CNTNAP5: variants seen among roughly 807,000 people sequenced by gnomAD.
CNTNAP5 encodes the protein contactin-associated protein-like 5.
Under a neutral mutation model 150.2 loss-of-function variants are expected in CNTNAP5, and 72 were observed. The observed-to-expected ratio is 0.48, with a 90% confidence interval of 0.40 to 0.58. The LOEUF is 0.58. Among genes scored for constraint, CNTNAP5 ranks in the 20% least tolerant of loss-of-function variants. The pLI, the probability that CNTNAP5 is intolerant of heterozygous loss-of-function variation, is 0.00. For synonymous variants in CNTNAP5, 672 were observed against 619.8 expected, an observed-to-expected ratio of 1.08 and a Z score of -1.25; for missense variants, 1,636 against 1,626.2, an observed-to-expected ratio of 1.01 and a Z score of -0.10.
intron 8 of CNTNAP5, among the ~76,000 whole-genome samples, chr2:124,516,702 A>G (rs1573429624): frequency 6.6e-6 from 1 of 152,190 alleles, no homozygotes; most frequent in South Asian, 2.1e-4. Context: ...AGGGCCCTGA[A>G]CAGCCACTTG....
At chr2:124,245,581 CTGTGTGTG>C (rs35056317) in intron 3 of CNTNAP5, among the ~76,000 whole-genome samples, 2 of 148,246 alleles carry the variant, frequency 1.3e-5, no homozygotes, top group African/African-American at 5.0e-5. Flanking sequence ...ACATATATAT[CTGTGTGTG>C]TGTGTGTGTG....
At chr2:124,328,634 TA>T (rs1689276507) in intron 3 of CNTNAP5, among the ~76,000 whole-genome samples, 1 of 152,146 alleles carries the variant, frequency 6.6e-6, no homozygotes, top group Non-Finnish European at 1.5e-5. Flanking sequence ...CTGCAGAGGA[TA>T]AAAAGAAGAG....
At chr2:124,490,941 C>T (rs1423624498) in intron 7 of CNTNAP5, among the ~76,000 whole-genome samples, 1 of 151,960 alleles carries the variant, frequency 6.6e-6, no homozygotes, top group Non-Finnish European at 1.5e-5. Flanking sequence ...TTCTATTAGA[C>T]AGCATTGACC....
chr2:124,393,546 G>C (rs1691171517), intron 3 of CNTNAP5, among the ~76,000 whole-genome samples: 3 of 152,334 alleles, frequency 2.0e-5, no homozygotes, highest in Admixed American at 1.3e-4. Context: ...CTAGACCTAT[G>C]CATGGGGTTC....
intron 19 of CNTNAP5, among the ~76,000 whole-genome samples, chr2:124,838,715 C>T (rs555599968): frequency 3.3e-5 from 5 of 152,290 alleles, no homozygotes; most frequent in Admixed American, 1.3e-4. Flanking sequence ...ACATTTGCTG[C>T]TGTTGGTTTG....
At chr2:124,490,905 A>T (rs757643736) in intron 7 of CNTNAP5, among the ~76,000 whole-genome samples, 7 of 152,144 alleles carry the variant, frequency 4.6e-5, no homozygotes, top group Non-Finnish European at 8.8e-5. Context: ...GAAAATTTTA[A>T]ATTACTTATG....
chr2:124,182,869 C>T (rs1685242721), intron 1 of CNTNAP5, among the ~76,000 whole-genome samples: 1 of 152,094 alleles, frequency 6.6e-6, no homozygotes, highest in African/African-American at 2.4e-5. Flanking sequence ...CATTTTGTTC[C>T]ATACCAGCCA....
chr2:124,850,028 T>G (rs1683123774), intron 19 of CNTNAP5, among the ~76,000 whole-genome samples: 1 of 152,140 alleles, frequency 6.6e-6, no homozygotes, highest in Non-Finnish European at 1.5e-5. Flanking sequence ...TAAACAGACC[T>G]ACAGTTGTCC....
In CNTNAP5 at chr2:124,798,128, G is replaced by T; in HGVS notation, c.3025G>T (p.Val1009Phe). 6.2e-7 allele frequency: 1 copy of T among 1,612,982 alleles called. No homozygotes were observed. The highest frequency in any genetic ancestry group is 8.5e-7 in the Non-Finnish European group (1 of 1,179,438). The change falls in exon 19 of 24, where the codon GTT becomes TTT. Residue 1009 changes from valine to phenylalanine, a missense_variant. Physicochemically the swap from Val to Phe is conservative, Grantham distance 50. Transcript: ENST00000682447. ...TGCTGTTTTTGAGGCTGGCACGTCG[G>T]TTACTTACATGTTTCAAGAACCCTA... ...VSAVFEAGTS[V>F]TYMFQEPYPV... is the part of the protein sequence containing the mutation.
intron 19 of CNTNAP5, among the ~76,000 whole-genome samples, chr2:124,820,648 T>C (rs1243462615): frequency 1.3e-5 from 2 of 152,106 alleles, no homozygotes; most frequent in African/African-American, 2.4e-5. Flanking sequence ...GGGCTTCTAG[T>C]TTCAATTATT....
chr2:124,845,656 A>G (rs1468307578), intron 19 of CNTNAP5, among the ~76,000 whole-genome samples: 12 of 151,988 alleles, frequency 7.9e-5, no homozygotes, highest in South Asian at 6.2e-4. Context: ...TACCATTTCA[A>G]TCTCACTGCT....
chr2:124,456,331 A>G (rs1693118787), intron 6 of CNTNAP5, among the ~76,000 whole-genome samples: 1 of 152,016 alleles, frequency 6.6e-6, no homozygotes, highest in African/African-American at 2.4e-5. Flanking sequence ...ATAAATAAAT[A>G]AATAAAATAC....
At chr2:124,541,607 C>T (rs1695385914) in intron 10 of CNTNAP5, among the ~76,000 whole-genome samples, 1 of 152,062 alleles carries the variant, frequency 6.6e-6, no homozygotes, top group South Asian at 2.1e-4. Context: ...GACCCACGCA[C>T]TAGGGGGATA....
At chr2:124,759,041 CA>C (rs1680901173) in intron 14 of CNTNAP5, among the ~76,000 whole-genome samples, 2 of 151,774 alleles carry the variant, frequency 1.3e-5, no homozygotes, top group African/African-American at 2.4e-5. Context: ...ATCAATGTCA[CA>C]AAATATTTTA....
chr2:124,050,254 A>G (rs900157032), intron 1 of CNTNAP5, among the ~76,000 whole-genome samples: 1 of 152,136 alleles, frequency 6.6e-6, no homozygotes, highest in Non-Finnish European at 1.5e-5. Context: ...ACTTGAGCCC[A>G]GGAGTTTGAG....
intron 8 of CNTNAP5, among the ~76,000 whole-genome samples, chr2:124,507,705 G>T (rs1694446170): frequency 2.0e-5 from 3 of 152,282 alleles, no homozygotes; most frequent in South Asian, 4.1e-4. Flanking sequence ...AAGCCTTGTT[G>T]TAGCAATGCA....
chr2:124,421,097 C>G (rs934889782), intron 4 of CNTNAP5, among the ~76,000 whole-genome samples: 1 of 151,574 alleles, frequency 6.6e-6, no homozygotes, highest in African/African-American at 2.4e-5. Context: ...TGCTAATTGG[C>G]TATCTCAGTT....
intron 21 of CNTNAP5, among the ~76,000 whole-genome samples, chr2:124,893,288 A>G (rs1042158880): frequency 4.6e-5 from 7 of 152,128 alleles, no homozygotes; most frequent in African/African-American, 1.7e-4. Context: ...GTCCAGTGTC[A>G]TCAGGCCCTT....
At chr2:124,227,640 A>ATGTGTGTGTGTGTGTGTGTG (rs200129722) in intron 2 of CNTNAP5, among the ~76,000 whole-genome samples, 1 of 143,322 alleles carries the variant, frequency 7.0e-6, no homozygotes, top group South Asian at 2.3e-4. Flanking sequence ...CATCGTGTGT[A>ATGTGTGTGTGTGTGTGTGTG]TGTGTGTGTG....
Sources: allele counts gnomAD v4.1 joint callset (sites outside exome capture counted in the v4.1 genomes callset), GRCh38; gene constraint gnomAD v4.1.1; transcripts MANE v1.5; gene names NCBI Gene and HGNC (gene_info 2026-07-23, HGNC 2026-07-21).